SPATA31H1: variants seen among roughly 807,000 people sequenced by gnomAD.
SPATA31H1 encodes the protein spermatogenesis-associated protein 31H1.
the SPATA31H1 span, among the ~76,000 whole-genome samples, chr2:27,545,336 T>C: frequency 1.3e-5 from 2 of 151,828 alleles, no homozygotes; most frequent in African/African-American, 4.9e-5. Flanking sequence ...TTATTTTTTG[T>C]GGTTAAAAAA....
the SPATA31H1 span, chr2:27,573,932 G>A: frequency 2.5e-6 from 1 of 398,510 alleles, no homozygotes; most frequent in Non-Finnish European, 4.4e-6. Context: ...TGAAATCTGA[G>A]GAGTTCAACT....
At chr2:27,580,851 A>G in the SPATA31H1 span, 2 of 1,614,184 alleles carry the variant, frequency 1.2e-6, no homozygotes, top group East Asian at 4.5e-5. Context: ...GCAGGAGGAC[A>G]TATTGTGGGG....
the SPATA31H1 span, among the ~76,000 whole-genome samples, chr2:27,562,847 A>T: frequency 6.6e-6 from 1 of 151,402 alleles, no homozygotes; most frequent in African/African-American, 2.4e-5. Flanking sequence ...AGATCGCGCC[A>T]CTGCACTCCA....
At chr2:27,540,236 C>A in the SPATA31H1 span, among the ~76,000 whole-genome samples, 14 of 115,400 alleles carry the variant, frequency 1.2e-4, no homozygotes, top group Non-Finnish European at 1.9e-4. Flanking sequence ...GCGCCCCTCA[C>A]CTCCCGGACG....
the SPATA31H1 span, chr2:27,577,310 G>A: frequency 1.2e-6 from 2 of 1,614,092 alleles, no homozygotes; most frequent in Non-Finnish European, 1.7e-6. This position sits in a 1 kb window ranked among gnomAD's most constrained non-coding sequence, Gnocchi z 4.5. Context: ...CCCGAGTTAA[G>A]GATGTGGGGG....
the SPATA31H1 span, chr2:27,572,612 A>G: frequency 5.0e-6 from 2 of 396,148 alleles, no homozygotes; most frequent in Admixed American, 4.4e-5. Context: ...CAGAGCCACA[A>G]CTTCAAGGTG....
chr2:27,560,801 A>G, the SPATA31H1 span, among the ~76,000 whole-genome samples: 4 of 152,156 alleles, frequency 2.6e-5, no homozygotes, highest in African/African-American at 9.7e-5. Context: ...GGCACCATCA[A>G]TCAGTCCAGG....
At chr2:27,549,628 G>A in the SPATA31H1 span, among the ~76,000 whole-genome samples, 2 of 151,590 alleles carry the variant, frequency 1.3e-5, no homozygotes, top group South Asian at 4.2e-4. Flanking sequence ...TGGCCAACAT[G>A]GTGAAACCCC....
chr2:27,553,344 C>T, the SPATA31H1 span, among the ~76,000 whole-genome samples: 1 of 152,060 alleles, frequency 6.6e-6, no homozygotes, highest in Admixed American at 6.5e-5. Context: ...CTCTCATTCC[C>T]TCCCATCTCC....
At chr2:27,577,608 T>G in the SPATA31H1 span, 1 of 1,614,146 alleles carries the variant, frequency 6.2e-7, no homozygotes, top group Non-Finnish European at 8.5e-7. The surrounding 1 kb of genome is among the most constrained non-coding windows in gnomAD (Gnocchi z 4.5). Context: ...CGTCCCAGAT[T>G]CTGCTTCAGG....
chr2:27,537,931 G>A, the SPATA31H1 span, among the ~76,000 whole-genome samples: 1 of 152,180 alleles, frequency 6.6e-6, no homozygotes, highest in Non-Finnish European at 1.5e-5. Context: ...TCAGGTTTGA[G>A]TGTGCTTCAG....
chr2:27,545,579 CTTT>C, the SPATA31H1 span, among the ~76,000 whole-genome samples: 1 of 141,292 alleles, frequency 7.1e-6, no homozygotes. Flanking sequence ...TTTCCTTTTT[CTTT>C]TTTTTTTTTT....
the SPATA31H1 span, chr2:27,572,396 G>A: frequency 2.5e-6 from 1 of 397,432 alleles, no homozygotes; most frequent in Non-Finnish European, 4.4e-6. Flanking sequence ...TAAATCTTGG[G>A]TCACAATCTC....
At chr2:27,549,742 A>G in the SPATA31H1 span, among the ~76,000 whole-genome samples, 1 of 151,778 alleles carries the variant, frequency 6.6e-6, no homozygotes, top group Non-Finnish European at 1.5e-5. Context: ...CTGGGAGGCG[A>G]AGGTTGCAGT....
At chr2:27,551,835 T>TG in the SPATA31H1 span, among the ~76,000 whole-genome samples, 2 of 151,212 alleles carry the variant, frequency 1.3e-5, no homozygotes, top group African/African-American at 4.9e-5. Context: ...AGCTTTTTTT[T>TG]TTGTTGTTGT....
At chr2:27,577,166 G>A in the SPATA31H1 span, 3 of 1,614,038 alleles carry the variant, frequency 1.9e-6, no homozygotes, top group Non-Finnish European at 2.5e-6. The surrounding 1 kb of genome is among the most constrained non-coding windows in gnomAD (Gnocchi z 4.5). Flanking sequence ...TGCTGCTGCA[G>A]CCAGATCTTC....
the SPATA31H1 span, chr2:27,578,782 C>T: frequency 1.3e-5 from 21 of 1,614,130 alleles, no homozygotes; most frequent in Non-Finnish European, 8.5e-7. Flanking sequence ...AGCTCTTCAA[C>T]CACACTCATT....
chr2:27,548,126 C>A, the SPATA31H1 span, among the ~76,000 whole-genome samples: 4 of 151,470 alleles, frequency 2.6e-5, 1 homozygote, highest in African/African-American at 9.7e-5. Context: ...GGACTACAGG[C>A]GCCTGCCACT....
At chr2:27,576,669 C>G in the SPATA31H1 span, 1 of 1,613,856 alleles carries the variant, frequency 6.2e-7, no homozygotes, top group South Asian at 1.1e-5. Context: ...GGTACCAGAG[C>G]CAACTAGGAA....
Sources: gnomAD v4.1 joint callset for allele counts (sites outside exome capture counted in the v4.1 genomes callset) on GRCh38, gnomAD v4.1.1 for gene constraint, Gnocchi (gnomAD v3.1) non-coding constraint, MANE v1.5 for transcripts, NCBI Gene and HGNC (gene_info 2026-07-23, HGNC 2026-07-21) for gene names.